PDE3A: variants seen among roughly 807,000 people sequenced by gnomAD.
PDE3A encodes the protein cGMP-inhibited 3',5'-cyclic phosphodiesterase 3A.
In PDE3A, 43 loss-of-function variants were observed where a neutral mutation model predicts 98.3. The observed-to-expected ratio is 0.44, with a 90% CI of 0.34 to 0.56. The LOEUF (loss-of-function observed/expected upper bound fraction) is 0.56. Ranked by LOEUF, PDE3A falls within the 20% of genes least tolerant of loss-of-function variation. PDE3A has a pLI of 0.01. For synonymous variants in PDE3A, 663 were observed against 567.9 expected, an observed-to-expected ratio of 1.17 and a Z score of -2.38; for missense variants, 1,427 against 1,440.7, an observed-to-expected ratio of 0.99 and a Z score of 0.15.
intron 5 of PDE3A, among the ~76,000 whole-genome samples, chr12:20,627,165 C>T (rs1032639937): frequency 1.0e-4 from 11 of 108,782 alleles, no homozygotes; most frequent in Non-Finnish European, 1.0e-4. Flanking sequence ...AAAAAAAAAA[C>T]TGTGTAGAAA....
intron 2 of PDE3A, among the ~76,000 whole-genome samples, chr12:20,602,289 G>A (rs1210968466): frequency 6.6e-6 from 1 of 152,158 alleles, no homozygotes; most frequent in African/African-American, 2.4e-5. Context: ...GACAGCTAAG[G>A]TTATCTTCTG....
chr12:20,453,086 A>C (rs956729181), intron 1 of PDE3A, among the ~76,000 whole-genome samples: 1 of 151,996 alleles, frequency 6.6e-6, no homozygotes, highest in Non-Finnish European at 1.5e-5. Flanking sequence ...TGTAGGTGCA[A>C]GGGATTTAAA....
intron 2 of PDE3A, among the ~76,000 whole-genome samples, chr12:20,606,553 T>C (rs1239189935): frequency 6.6e-6 from 1 of 152,024 alleles, no homozygotes; most frequent in Non-Finnish European, 1.5e-5. Flanking sequence ...TTTTGCCCAC[T>C]AGTAATAAAA....
In PDE3A at chr12:20,681,653, G is replaced by A. The variant is rs1287264364; in HGVS notation, c.*1382G>A. 1.3e-5 allele frequency: 2 copies of A among 152,174 alleles called. No homozygotes were observed. The highest frequency in any genetic ancestry group is 2.4e-5 in the African/African-American group (1 of 41,450). 9.4% of individuals were successfully genotyped at this position (152,174 alleles called of 1,614,324 possible). ...CCATCGGCAGTCTGGCCCATTGTCA[G>A]TCATGCTTCTTCTGGCCGGGGAGAT... is the stretch of plus-strand genomic sequence containing the variant. On this transcript the variant is annotated 3_prime_UTR_variant, in exon 16 of 16. Transcript: ENST00000359062.
chr12:20,646,820 A>G lies in PDE3A; in HGVS notation c.2435A>G (p.Asp812Gly), dbSNP rs1373433444. 2 of 1,610,800 alleles carry G rather than the reference A, an allele frequency of 1.2e-6. No individual in the cohort carries two copies. The highest frequency in any genetic ancestry group is 1.7e-5 in the Admixed American group (1 of 59,998). Residue 812 changes from aspartate (D) to glycine (G), a missense_variant, in exon 12 of 16, where the codon GAT becomes GGT. Transcript: ENST00000359062. ...TCAAAAACGTATAATGTGACAGATG[A>G]TAAATACGGATGTCTGTCTGGGAAT... is the stretch of plus-strand genomic sequence containing the variant. ...VFSKTYNVTD[D>G]KYGCLSGNIP...
At chr12:20,663,042 T>C (rs112443256) in intron 15 of PDE3A, among the ~76,000 whole-genome samples, 3,246 of 152,300 alleles carry the variant, frequency 0.021, 100 homozygotes, top group African/African-American at 0.073. Flanking sequence ...GTTTCAGCCA[T>C]GGCAGAAAGG....
intron 1 of PDE3A, among the ~76,000 whole-genome samples, chr12:20,416,060 C>CCT (rs1475489659): frequency 1.3e-5 from 2 of 152,154 alleles, no homozygotes; most frequent in Admixed American, 6.5e-5. Flanking sequence ...GATCCCATCA[C>CCT]TGTTTTATTT....
intron 1 of PDE3A, among the ~76,000 whole-genome samples, chr12:20,456,782 T>C (rs1204645279): frequency 6.6e-6 from 1 of 152,138 alleles, no homozygotes; most frequent in Non-Finnish European, 1.5e-5. Context: ...CTTTACAGAA[T>C]AGCACTTGAT....
chr12:20,632,910 A>G (rs1395545030), intron 6 of PDE3A, among the ~76,000 whole-genome samples: 1 of 151,134 alleles, frequency 6.6e-6, no homozygotes, highest in African/African-American at 2.4e-5. Context: ...ACATAAAAAT[A>G]TCATAACCCA....
At chr12:20,394,341 A>G (rs1272369706) in intron 1 of PDE3A, among the ~76,000 whole-genome samples, 1 of 152,088 alleles carries the variant, frequency 6.6e-6, no homozygotes, top group African/African-American at 2.4e-5. Context: ...AATCATAAAA[A>G]CAGAACAGAG....
chr12:20,389,470 T>C (rs985522221), intron 1 of PDE3A, among the ~76,000 whole-genome samples: 1 of 152,020 alleles, frequency 6.6e-6, no homozygotes, highest in African/African-American at 2.4e-5. Flanking sequence ...TTCTTGTTTT[T>C]AGTGGGAAAG....
chr12:20,642,661 G>T (rs987224384), intron 10 of PDE3A, among the ~76,000 whole-genome samples: 5 of 152,142 alleles, frequency 3.3e-5, no homozygotes, highest in Admixed American at 6.6e-5. Flanking sequence ...AGAAGTACCT[G>T]TGATCATGTA....
rs536799267 is a variant in PDE3A, at chr12:20,400,104, C to T, written c.960+29860C>T. ...ATTAGTAGATACTTTAACACTAATC[C>T]GTTTTCTGTCCCAAATACATAGGAG... On this transcript the variant is annotated intron_variant, in intron 1 of 15. Coordinates refer to ENST00000359062, the MANE Select transcript of PDE3A (RefSeq NM_000921.5). 3.9e-5 allele frequency among the ~76,000 whole-genome samples: 6 copies of T among 152,118 alleles called. No individual in the cohort carries two copies. In the South Asian group the frequency reaches 1.0e-3, roughly 26 times the overall value.
At chr12:20,512,683 G>C (rs1365514794) in intron 1 of PDE3A, among the ~76,000 whole-genome samples, 1 of 152,050 alleles carries the variant, frequency 6.6e-6, no homozygotes, top group Non-Finnish European at 1.5e-5. Flanking sequence ...AGGAGTTTCT[G>C]AGCATCTTAG....
chr12:20,543,326 A>G (rs1027110363), intron 1 of PDE3A, among the ~76,000 whole-genome samples: 1 of 151,966 alleles, frequency 6.6e-6, no homozygotes, highest in African/African-American at 2.4e-5. Flanking sequence ...CAACTAACAA[A>G]TAATAATACA....
intron 1 of PDE3A, among the ~76,000 whole-genome samples, chr12:20,380,205 C>G (rs1943639629): frequency 6.6e-6 from 1 of 151,956 alleles, no homozygotes; most frequent in African/African-American, 2.4e-5. Flanking sequence ...AATGTTATCT[C>G]CTTAGCTTTT....
rs1048724534 is a variant in PDE3A, at chr12:20,684,631, A to C, written c.*4360A>C. Among the ~76,000 whole-genome samples, 1 of 152,212 alleles carries C rather than the reference A, an allele frequency of 6.6e-6. No homozygotes were observed. The highest frequency in any genetic ancestry group is 2.4e-5 in the African/African-American group (1 of 41,466). On this transcript the variant is annotated 3_prime_UTR_variant, in exon 16 of 16. Coordinates refer to ENST00000359062, the MANE Select transcript of PDE3A (RefSeq NM_000921.5). ...GTCCTAGGTCGTTTGTGTCTTTATGAATTTGCTGATATTGTCAGTCCATTT... is the reference window on the plus strand; with the variant it reads ...GTCCTAGGTCGTTTGTGTCTTTATGCATTTGCTGATATTGTCAGTCCATTT...
In PDE3A at chr12:20,633,766, C is replaced by A; in HGVS notation, c.1834C>A (p.Pro612Thr). 6.3e-7 allele frequency: 1 copy of A among 1,588,470 alleles called. No individual in the cohort carries two copies. The highest frequency in any genetic ancestry group is 1.1e-5 in the South Asian group (1 of 89,424). Residue 612 changes from proline (P) to threonine (T), a missense_variant, in exon 7 of 16, where the codon CCA becomes ACA. By Grantham distance (38) the Pro-to-Thr change is conservative. This residue lies in a region of PDE3A where 1,012 missense variants were observed against 886.5 expected (regional missense o/e 1.14). Coordinates refer to ENST00000359062, the MANE Select transcript of PDE3A (RefSeq NM_000921.5). ...LERSGVATRT[P>T]SRTDDTAQVT... is the part of the protein sequence containing the mutation. ...GAGAAGTGGGGTAGCCACTCGGACACCAAGTAGAACAGGTAATTCATTGTT... is the reference window on the plus strand; with the variant it reads ...GAGAAGTGGGGTAGCCACTCGGACAACAAGTAGAACAGGTAATTCATTGTT...
At chr12:20,624,846 A>G (rs1944222544) in intron 5 of PDE3A, among the ~76,000 whole-genome samples, 1 of 152,152 alleles carries the variant, frequency 6.6e-6, no homozygotes, top group Admixed American at 6.5e-5. Context: ...AGTGGTTGTG[A>G]CATGTTTGAT....
Sources: gnomAD v4.1 joint callset for allele counts (sites outside exome capture counted in the v4.1 genomes callset) on GRCh38, gnomAD v4.1.1 for gene constraint, gnomAD v4.1.1 regional missense constraint, MANE v1.5 for transcripts, NCBI Gene and HGNC (gene_info 2026-07-23, HGNC 2026-07-21) for gene names.